The following NBAS variants were observed in gnomAD, a reference collection of about 807,000 sequenced individuals.
NBAS encodes the protein NBAS subunit of NRZ tethering complex.
In NBAS, 219 loss-of-function variants were observed where a neutral mutation model predicts 302.5. The observed-to-expected ratio is 0.72, with a 90% CI of 0.65 to 0.81. NBAS has a LOEUF of 0.81. Among genes scored for constraint, NBAS ranks in the 30% least tolerant of loss-of-function variants. NBAS has a pLI of 0.00. For missense variants in NBAS, 2,932 were observed against 2,841.6 expected, an observed-to-expected ratio of 1.03 and a Z score of -0.72; for synonymous variants, 1,118 against 1,021.6, an observed-to-expected ratio of 1.09 and a Z score of -1.80.
intron 46 of NBAS, among the ~76,000 whole-genome samples, chr2:15,233,853 T>A (rs773960852): frequency 9.8e-4 from 149 of 152,252 alleles, no homozygotes; most frequent in Non-Finnish European, 1.7e-3. Flanking sequence ...TCAAGAGCAA[T>A]ACAGAATTAA....
At chr2:15,339,015 T>C (rs1393939601) in intron 35 of NBAS, among the ~76,000 whole-genome samples, 1 of 152,042 alleles carries the variant, frequency 6.6e-6, no homozygotes, top group African/African-American at 2.4e-5. Flanking sequence ...ACCCTGTCTC[T>C]AAAAAATTTT....
chr2:15,011,599 C>T, the NBAS span, among the ~76,000 whole-genome samples: 2 of 152,220 alleles, frequency 1.3e-5, no homozygotes, highest in East Asian at 3.9e-4. Context: ...TCCAGGCTGA[C>T]TTAGCAATTG....
chr2:15,155,458 T>C, the NBAS span, among the ~76,000 whole-genome samples: 1 of 152,178 alleles, frequency 6.6e-6, no homozygotes, highest in South Asian at 2.1e-4. Flanking sequence ...CTGTTTCCCA[T>C]CTAAGGCAAC....
chr2:15,329,071 C>G (rs1179948219), intron 36 of NBAS, among the ~76,000 whole-genome samples: 1 of 152,118 alleles, frequency 6.6e-6, no homozygotes. Context: ...GTAGCAAGAA[C>G]TTTAGTATGC....
At chr2:14,779,236 T>G in the NBAS span, among the ~76,000 whole-genome samples, 1 of 152,146 alleles carries the variant, frequency 6.6e-6, no homozygotes, top group South Asian at 2.1e-4. Flanking sequence ...ATATTAGGAA[T>G]TATCATTTTG....
chr2:15,491,024 G>C (rs1177135215), intron 11 of NBAS, among the ~76,000 whole-genome samples: 1 of 152,140 alleles, frequency 6.6e-6, no homozygotes, highest in Non-Finnish European at 1.5e-5. Flanking sequence ...ATAGCAATAT[G>C]ACCGAAAGCA....
intron 9 of NBAS, among the ~76,000 whole-genome samples, chr2:15,524,374 G>A (rs896383952): frequency 1.3e-5 from 2 of 152,200 alleles, no homozygotes; most frequent in African/African-American, 4.8e-5. Flanking sequence ...AGATGTTCTT[G>A]AGTAAATGTG....
At chr2:15,467,855 G>A in intron 17 of NBAS, 51 bp from the exon 18 acceptor site, 2 of 1,398,850 alleles carry the variant, frequency 1.4e-6, no homozygotes, top group South Asian at 2.5e-5. Flanking sequence ...AAAACTTCGT[G>A]TTGTGAAAAG....
At chr2:14,823,084 G>A in the NBAS span, among the ~76,000 whole-genome samples, 4 of 152,280 alleles carry the variant, frequency 2.6e-5, no homozygotes, top group Admixed American at 6.5e-5. Flanking sequence ...ATTTTAGATA[G>A]AATTTTTTTA....
intron 7 of NBAS, 28 bp from the exon 8 acceptor site, chr2:15,536,579 T>TAAA (rs57935128): frequency 1.9e-4 from 248 of 1,331,214 alleles, no homozygotes; most frequent in African/African-American, 1.6e-3. Flanking sequence ...ATTAAGTTAC[T>TAAA]AAAAAAAAAA....
At chr2:14,997,801 C>T in the NBAS span, among the ~76,000 whole-genome samples, 1 of 152,100 alleles carries the variant, frequency 6.6e-6, no homozygotes. Context: ...AGAAACCATC[C>T]TTTACTCTCT....
At chr2:15,159,591 C>T in the NBAS span, among the ~76,000 whole-genome samples, 1 of 137,382 alleles carries the variant, frequency 7.3e-6, no homozygotes, top group Non-Finnish European at 1.5e-5. Context: ...GAGATGGTAG[C>T]ATGGTGGTTA....
At chr2:15,510,741 A>G (rs1008304540) in intron 10 of NBAS, among the ~76,000 whole-genome samples, 1 of 152,048 alleles carries the variant, frequency 6.6e-6, no homozygotes, top group African/African-American at 2.4e-5. Flanking sequence ...GGAAATCTGG[A>G]CTCTAATTCT....
chr2:15,531,418 G>A (rs543492508), intron 9 of NBAS, among the ~76,000 whole-genome samples: 1 of 152,240 alleles, frequency 6.6e-6, no homozygotes, highest in Non-Finnish European at 1.5e-5. Context: ...GATCTCAGAA[G>A]AAAGTTCTGA....
intron 11 of NBAS, among the ~76,000 whole-genome samples, chr2:15,496,637 GA>G (rs1235933265): frequency 6.6e-6 from 1 of 151,612 alleles, no homozygotes; most frequent in Non-Finnish European, 1.5e-5. Flanking sequence ...AAGAGGGAGG[GA>G]AGAAAGGAAG....
At chr2:14,962,325 A>G in the NBAS span, among the ~76,000 whole-genome samples, 2 of 152,194 alleles carry the variant, frequency 1.3e-5, no homozygotes, top group South Asian at 2.1e-4. Flanking sequence ...GGAGGGTTAC[A>G]TGTATGAACT....
At chr2:15,340,576 G>C (rs1277543082) in intron 35 of NBAS, among the ~76,000 whole-genome samples, 2 of 152,152 alleles carry the variant, frequency 1.3e-5, no homozygotes, top group African/African-American at 4.8e-5. Context: ...ACTCAGAAGA[G>C]AGGTCAGGGC....
the NBAS span, among the ~76,000 whole-genome samples, chr2:15,110,763 T>C: frequency 6.6e-6 from 1 of 152,134 alleles, no homozygotes; most frequent in Admixed American, 6.5e-5. Flanking sequence ...ATTCCCTTGT[T>C]GACAAGTCCT....
chr2:14,870,457 T>C, the NBAS span, among the ~76,000 whole-genome samples: 2 of 152,220 alleles, frequency 1.3e-5, no homozygotes, highest in Non-Finnish European at 1.5e-5. Context: ...TGTCTTCCTC[T>C]AGCTCTAGTG....
Sources: allele counts gnomAD v4.1 joint callset (sites outside exome capture counted in the v4.1 genomes callset), GRCh38; gene constraint gnomAD v4.1.1; transcripts MANE v1.5; gene names NCBI Gene and HGNC (gene_info 2026-07-23, HGNC 2026-07-21).